The following STRBP variants were observed in gnomAD, a reference collection of about 807,000 sequenced individuals.
The protein encoded by STRBP is spermatid perinuclear RNA-binding protein.
A neutral mutation model predicts 80.1 loss-of-function variants in STRBP; 13 were observed. The observed-to-expected ratio is 0.16, with a 90% CI of 0.11 to 0.26. The LOEUF (loss-of-function observed/expected upper bound fraction) is 0.26, where lower values mean the gene tolerates loss of function less well. Among genes scored for constraint, STRBP ranks in the 10% least tolerant of loss-of-function variants. STRBP has a pLI of 1.00. For synonymous variants in STRBP, 284 were observed against 291.2 expected (o/e 0.98, Z 0.25); for missense variants, 485 against 815.2 (o/e 0.59, Z 4.93).
chr9:123,136,253 T>C lies in STRBP; in HGVS notation c.1633-72A>G. ...ATGTCCTTTTAATTTAAATAGATTA[T>C]GACACAGAAAACACCAAAAATCAAA... On this transcript the variant is annotated intron_variant, in intron 15 of 18. Coordinates refer to ENST00000348403, the MANE Select transcript of STRBP (RefSeq NM_018387.5). This position sits in a 1 kb window ranked among gnomAD's most constrained non-coding sequence, Gnocchi z 4.2. 6.3e-7 allele frequency: 1 copy of C among 1,599,910 alleles called. No homozygotes were observed. Among genetic ancestry groups the C allele is most frequent in the Non-Finnish European group, 8.5e-7 (1 of 1,173,254 alleles).
chr9:123,159,283 T>TAA, intron 8 of STRBP, 76 bp from the exon 9 acceptor site: 9 of 1,052,182 alleles, frequency 8.6e-6, no homozygotes, highest in Non-Finnish European at 1.3e-5. Context: ...AGCTAACATT[T>TAA]CTATCTACAA....
At chr9:123,248,621 C>A (rs4838035) in intron 1 of STRBP, among the ~76,000 whole-genome samples, 2 of 151,886 alleles carry the variant, frequency 1.3e-5, no homozygotes, top group Non-Finnish European at 2.9e-5. Flanking sequence ...GGAAACTATA[C>A]AAACCTATAA....
At chr9:123,160,227 A>ATT in intron 8 of STRBP, 140 bp downstream of exon 8, 1 of 483,400 alleles carries the variant, frequency 2.1e-6, no homozygotes, top group Non-Finnish European at 3.5e-6. Flanking sequence ...AAGATGCTTT[A>ATT]TTTTTTTTTC....
chr9:123,182,096 T>C (rs2038492588), intron 3 of STRBP, among the ~76,000 whole-genome samples: 1 of 150,868 alleles, frequency 6.6e-6, no homozygotes, highest in Non-Finnish European at 1.5e-5. Flanking sequence ...ACCCCTACAG[T>C]CCCAGCTACT....
At chr9:123,224,350 T>C (rs1483034121) in intron 2 of STRBP, among the ~76,000 whole-genome samples, 1 of 152,192 alleles carries the variant, frequency 6.6e-6, no homozygotes, top group African/African-American at 2.4e-5. Flanking sequence ...ATTAACTCTC[T>C]CGCAGTTCAG....
At chr9:123,227,134 C>T (rs897395268) in intron 2 of STRBP, among the ~76,000 whole-genome samples, 39 of 152,100 alleles carry the variant, frequency 2.6e-4, no homozygotes, top group Admixed American at 1.3e-4. Context: ...TTTTGGGAGA[C>T]GCATTCAAAC....
intron 2 of STRBP, among the ~76,000 whole-genome samples, chr9:123,204,923 C>CAAAA (rs34576355): frequency 1.0e-3 from 54 of 53,540 alleles, no homozygotes; most frequent in Non-Finnish European, 1.5e-3. Context: ...GACTCCATCT[C>CAAAA]AAAAAAAAAA....
Position 123,183,032 on chromosome 9 carries a change from A to C in STRBP, c.3+1100T>G, listed in dbSNP as rs74829218. ...CCTGTCTCAAAAAAAAAAAAAAAAA[A>C]AAAAAACAAAAAATCAAAAAAATCA... On this transcript the variant is annotated intron_variant, in intron 3 of 18. Transcript: ENST00000348403. Among the ~76,000 whole-genome samples the C allele has an allele frequency of 9.3e-4, 134 of 144,408 alleles. 6 individuals are homozygous for C. Among genetic ancestry groups the C allele is most frequent in the Admixed American group, 3.4e-3 (49 of 14,488 alleles). The allele number at this position is 144,408 out of a possible 152,430, so 94.7% of individuals were successfully genotyped here.
chr9:123,246,168 C>G (rs893838911), intron 1 of STRBP, among the ~76,000 whole-genome samples: 1 of 152,186 alleles, frequency 6.6e-6, no homozygotes, highest in Non-Finnish European at 1.5e-5. Flanking sequence ...GTGACTTTCA[C>G]AAATTTAACT....
intron 1 of STRBP, among the ~76,000 whole-genome samples, chr9:123,240,649 C>T (rs1182921320): frequency 2.0e-5 from 3 of 152,158 alleles, no homozygotes; most frequent in Non-Finnish European, 4.4e-5. Context: ...AATGGCTAAA[C>T]CTTCCTAGGC....
chr9:123,206,957 G>A (rs2039540221), intron 2 of STRBP, among the ~76,000 whole-genome samples: 1 of 151,962 alleles, frequency 6.6e-6, no homozygotes, highest in Non-Finnish European at 1.5e-5. Context: ...TTTTAAATAT[G>A]AACAAATTTA....
rs2037936344 is a variant in STRBP at position 123,169,912 on chromosome 9, C to T, written c.525G>A (p.Lys175=). Residue 175 remains lysine (K), a synonymous_variant, in exon 6 of 19, where the codon AAG becomes AAA. Coordinates refer to ENST00000348403, the MANE Select transcript of STRBP (RefSeq NM_018387.5). ...TATATACATGTGTACCTCCATCCTT[C>T]TTCTCCAATTCGTCCCTAATTAGAG... ...TSPLIRDELE[K]KDGENVSMKD... is the part of the protein sequence containing the mutation. The T allele has an allele frequency of 6.4e-7, 1 of 1,554,636 alleles. No individual in the cohort carries two copies. The highest frequency in any genetic ancestry group is 8.7e-7 in the Non-Finnish European group (1 of 1,152,390).
Position 123,125,179 on chromosome 9 carries a change from A to G in STRBP, c.*418T>C, listed in dbSNP as rs1323914668. ...TGGGGCAAATACATATCAATCAACT[A>G]AGAATCAGTGACTGCATCAGGAACC... On this transcript the variant is annotated 3_prime_UTR_variant, in exon 19 of 19. Transcript: ENST00000348403. The G allele has an allele frequency of 2.0e-6, 2 of 987,536 alleles. No individual in the cohort carries two copies. Among genetic ancestry groups the G allele is most frequent in the African/African-American group, 3.5e-5 (2 of 57,294 alleles). 61.2% of individuals were successfully genotyped at this position (987,536 alleles called of 1,614,324 possible). A position where few individuals can be genotyped will look rare whatever the true frequency, so the allele number is the denominator to read the frequency against.
In STRBP at chr9:123,125,540, C is replaced by G. The variant is rs1293198388; in HGVS notation, c.*57G>C. ...AAAGCAGGATAAAAAGGCTTTTTCT[C>G]TAACATTCTGTGTTGTACTGTATTG... On this transcript the variant is annotated 3_prime_UTR_variant, in exon 19 of 19. Coordinates refer to ENST00000348403, the MANE Select transcript of STRBP (RefSeq NM_018387.5). The G allele has an allele frequency of 2.3e-5, 34 of 1,460,782 alleles. No homozygotes were observed. The East Asian group carries it at 7.9e-4, about 34-fold the overall frequency. 90.5% of individuals were successfully genotyped at this position (1,460,782 alleles called of 1,614,324 possible).
intron 1 of STRBP, among the ~76,000 whole-genome samples, chr9:123,237,183 T>C (rs1004158949): frequency 2.0e-5 from 3 of 152,112 alleles, no homozygotes; most frequent in Non-Finnish European, 4.4e-5. Context: ...TAATAATACT[T>C]TGCAAACCAC....
downstream of STRBP, among the ~76,000 whole-genome samples, chr9:123,119,670 C>T (rs2035698623): frequency 6.6e-6 from 1 of 152,166 alleles, no homozygotes; most frequent in Non-Finnish European, 1.5e-5. Flanking sequence ...CACCTGTTGG[C>T]AGAGCCTTGC....
chr9:123,235,918 G>T (rs1377586501), intron 2 of STRBP, among the ~76,000 whole-genome samples: 1 of 152,138 alleles, frequency 6.6e-6, no homozygotes, highest in Non-Finnish European at 1.5e-5. Context: ...ATGTGTAAAA[G>T]GCTCCATCTT....
intron 2 of STRBP, among the ~76,000 whole-genome samples, chr9:123,227,374 T>C (rs573835002): frequency 6.6e-6 from 1 of 152,066 alleles, no homozygotes; most frequent in South Asian, 2.1e-4. Context: ...ACACACCTGT[T>C]TGAAGAAGAG....
chr9:123,165,924 A>G (rs2037739019), intron 6 of STRBP, among the ~76,000 whole-genome samples: 1 of 152,224 alleles, frequency 6.6e-6, no homozygotes, highest in Non-Finnish European at 1.5e-5. Context: ...ACAGAGATTA[A>G]TCTTCAATAT....
Sources: allele counts gnomAD v4.1 joint callset (sites outside exome capture counted in the v4.1 genomes callset), GRCh38; gene constraint gnomAD v4.1.1; non-coding constraint Gnocchi (gnomAD v3.1); transcripts MANE v1.5; gene names NCBI Gene and HGNC (gene_info 2026-07-23, HGNC 2026-07-21).